Variants in RFC4 observed in about 807,000 individuals in gnomAD.
RFC4 encodes replication factor C subunit 4, also known as A1 37 kDa subunit.
RFC4 carries 38 observed loss-of-function variants against 47.6 expected under a neutral mutation model. The observed-to-expected ratio is 0.80, with a 90% confidence interval of 0.62 to 1.05. The LOEUF (loss-of-function observed/expected upper bound fraction) is 1.05. Ranked by LOEUF, RFC4 falls within the 50% of genes least tolerant of loss-of-function variation. The pLI, the probability that RFC4 is intolerant of heterozygous loss-of-function variation, is 0.00. For synonymous variants in RFC4, 164 were observed against 150.0 expected (o/e 1.09, Z -0.68); for missense variants, 489 against 434.0 (o/e 1.13, Z -1.13).
At chr3:186,794,468 C>A (rs918624719) in intron 5 of RFC4, among the ~76,000 whole-genome samples, 190 bp downstream of exon 5, 18 of 152,166 alleles carry the variant, frequency 1.2e-4, no homozygotes, top group Non-Finnish European at 1.3e-4. Flanking sequence ...AATCCTGGAC[C>A]TTTGCCACCT....
In RFC4 at chr3:186,793,186, C is replaced by T. The variant is rs1321860130; in HGVS notation, c.411-239G>A. On this transcript the variant is annotated intron_variant, in intron 5 of 10. Transcript: ENST00000296273. The surrounding 1 kb of genome is among the most constrained non-coding windows in gnomAD (Gnocchi z 4.2). ...CTCTTCTTCCCCCAGTCATTCCCAG[C>T]TCTAGGCAATCATTAGTCTACTTTC... Among the ~76,000 whole-genome samples the T allele has an allele frequency of 1.3e-5, 2 of 152,198 alleles. No homozygotes were observed. Among genetic ancestry groups the T allele is most frequent in the Non-Finnish European group, 2.9e-5 (2 of 68,038 alleles).
intron 4 of RFC4, 163 bp from the exon 5 acceptor site, chr3:186,794,940 T>A: frequency 1.4e-6 from 1 of 702,430 alleles, no homozygotes; most frequent in Non-Finnish European, 2.3e-6. Context: ...GTGCTGCAGT[T>A]AACATTTTGG....
chr3:186,794,874 A>G, intron 4 of RFC4, 97 bp from the exon 5 acceptor site: 2 of 1,302,010 alleles, frequency 1.5e-6, no homozygotes, highest in South Asian at 2.7e-5. Context: ...AAATCCACCT[A>G]GTAAACAACA....
At chr3:186,795,229 G>C (rs1722219177) in intron 4 of RFC4, among the ~76,000 whole-genome samples, 1 of 152,130 alleles carries the variant, frequency 6.6e-6, no homozygotes, top group Non-Finnish European at 1.5e-5. Flanking sequence ...GGTCTCAGGT[G>C]ATCCTTCCAC....
Position 186,790,321 on chromosome 3 carries a change from T to G in RFC4, c.882+5A>C. ...CTTTCCCCAAAGTTAGTAAGCTGAC[T>G]TTACCTTGACCACAGCTTCTAGTTT... On this transcript the variant is annotated splice_donor_5th_base_variant and intron_variant, in intron 9 of 10. Coordinates refer to ENST00000296273, the MANE Select transcript of RFC4 (RefSeq NM_002916.5). The G allele has an allele frequency of 6.2e-7, 1 of 1,613,484 alleles. No homozygotes were observed. The highest frequency in any genetic ancestry group is 8.5e-7 in the Non-Finnish European group (1 of 1,179,404).
intron 8 of RFC4, 30 bp from the exon 9 acceptor site, chr3:186,790,436 T>C (rs966440753): frequency 2.4e-5 from 36 of 1,494,886 alleles, no homozygotes; most frequent in Non-Finnish European, 3.3e-5. Context: ...GTATTAAAGA[T>C]GTTTCTAGGT....
chr3:186,792,175 A>C (rs1722155332), intron 7 of RFC4, among the ~76,000 whole-genome samples: 1 of 152,242 alleles, frequency 6.6e-6, no homozygotes, highest in South Asian at 2.1e-4. Flanking sequence ...ATTTTAGGGA[A>C]GTACTGAAGT....
Position 186,789,913 on chromosome 3 carries a change from T to G in RFC4, c.*56A>C. 9 of 1,151,664 alleles carry G rather than the reference T, an allele frequency of 7.8e-6. No homozygotes were observed. The highest frequency in any genetic ancestry group is 7.7e-6 in the Non-Finnish European group (6 of 783,674). 71.3% of individuals were successfully genotyped at this position (1,151,664 alleles called of 1,614,324 possible). ...TCACTTTAAAGGTGCTTTTGGTCAT[T>G]TTATTTTTATTACAACTTCATTATT... is the stretch of plus-strand genomic sequence containing the variant. On this transcript the variant is annotated 3_prime_UTR_variant, in exon 11 of 11. Transcript: ENST00000296273.
intron 8 of RFC4, 145 bp downstream of exon 8, chr3:186,791,580 A>G: frequency 1.3e-6 from 1 of 761,812 alleles, no homozygotes; most frequent in Non-Finnish European, 2.4e-6. Context: ...CACCTCAAAC[A>G]CTCTGATACT....
Position 186,790,610 on chromosome 3 carries a change from G to A in RFC4, c.802-204C>T, listed in dbSNP as rs560042490. On this transcript the variant is annotated intron_variant, in intron 8 of 10. Transcript: ENST00000296273. Reference sequence around the variant, plus strand: ...AGGTGCTAACAACTGTGCTTTTAAAGCCCTTTAATGGCTTTGTGAACTTCC... The same window carrying A: ...AGGTGCTAACAACTGTGCTTTTAAAACCCTTTAATGGCTTTGTGAACTTCC... 9.2e-5 allele frequency among the ~76,000 whole-genome samples: 14 copies of A among 152,276 alleles called. 1 individual carries two copies. The South Asian group carries it at 2.3e-3, about 25-fold the overall frequency.
At chr3:186,799,797 T>C (rs142642943) in intron 3 of RFC4, among the ~76,000 whole-genome samples, 3 of 152,226 alleles carry the variant, frequency 2.0e-5, no homozygotes, top group African/African-American at 4.8e-5. Flanking sequence ...AAATTAGATA[T>C]TGTCCTGCAA....
At chr3:186,792,660 C>G (rs1240733405) in intron 6 of RFC4, 50 bp from the exon 7 acceptor site, 1 of 1,582,908 alleles carries the variant, frequency 6.3e-7, no homozygotes, top group South Asian at 1.1e-5. Flanking sequence ...AGAATTTCCC[C>G]AAAAGAACTC....
intron 2 of RFC4, among the ~76,000 whole-genome samples, chr3:186,803,687 T>TC (rs1722408678): frequency 1.3e-5 from 2 of 150,920 alleles, no homozygotes; most frequent in Admixed American, 1.3e-4. Context: ...TTTTTTTTTT[T>TC]TCCCAGTAAA....
At chr3:186,801,352 A>C (rs1656941) in intron 2 of RFC4, 157 bp from the exon 3 acceptor site, 116,765 of 611,426 alleles carry the variant, frequency 0.19, 12,428 homozygotes, top group African/African-American at 0.24. Flanking sequence ...TGGAAACCCC[A>C]CTTGTTTTTA....
At chr3:186,797,448 C>T (rs570395824) in intron 4 of RFC4, 87 bp downstream of exon 4, 23 of 912,754 alleles carry the variant, frequency 2.5e-5, no homozygotes, top group South Asian at 1.2e-4. Context: ...GAAAACGAAA[C>T]GCAAATTTTT....
At chr3:186,803,372 A>G (rs1029724091) in intron 2 of RFC4, among the ~76,000 whole-genome samples, 2 of 152,108 alleles carry the variant, frequency 1.3e-5, no homozygotes. Context: ...AAGGCAAGCA[A>G]AAAACAAAAA....
At chr3:186,804,837 GA>G in intron 1 of RFC4, 113 bp from the exon 2 acceptor site, 5 of 994,106 alleles carry the variant, frequency 5.0e-6, no homozygotes, top group Non-Finnish European at 7.5e-6. Flanking sequence ...AGTACAGCCC[GA>G]AAATAAACTT....
At chr3:186,791,595 G>C (rs1447030744) in intron 8 of RFC4, 130 bp downstream of exon 8, 2 of 822,452 alleles carry the variant, frequency 2.4e-6, no homozygotes, top group Non-Finnish European at 4.3e-6. Context: ...GATACTCCCA[G>C]GTTATTCCCT....
rs769156323 is a variant in RFC4, at chr3:186,792,509, T to C, written c.656A>G (p.Asn219Ser). The C allele has an allele frequency of 8.7e-6, 14 of 1,612,766 alleles. No individual in the cohort carries two copies. The African/African-American group carries it at 1.6e-4, about 18-fold the overall frequency. ...QRLLDIAKKENVKISDEGIAY... is the reference protein window; with the variant it reads ...QRLLDIAKKESVKISDEGIAY... ...AATTACCTCATCACTAATTTTGACA[T>C]TTTCCTTCTTGGCAATGTCTAGTAA... is the stretch of plus-strand genomic sequence containing the variant. The change falls in exon 7 of 11, where the codon AAT becomes AGT. Residue 219 changes from asparagine (N) to serine (S), a missense_variant. Physicochemically the swap from Asn to Ser is conservative, Grantham distance 46. This residue lies in a region of RFC4 where 283 missense variants were observed against 176.2 expected (regional missense o/e 1.61). Coordinates refer to ENST00000296273, the MANE Select transcript of RFC4 (RefSeq NM_002916.5).
Sources: allele counts gnomAD v4.1 joint callset (sites outside exome capture counted in the v4.1 genomes callset), GRCh38; gene constraint gnomAD v4.1.1; regional missense constraint gnomAD v4.1.1; non-coding constraint Gnocchi (gnomAD v3.1); transcripts MANE v1.5; gene names NCBI Gene and HGNC (gene_info 2026-07-23, HGNC 2026-07-21).